Variants in TMEM117 observed in about 807,000 individuals in gnomAD.
The protein encoded by TMEM117 is transmembrane protein 117.
Under a neutral mutation model 52.4 loss-of-function variants are expected in TMEM117, and 27 were observed. That is an observed-to-expected ratio of 0.51 (90% confidence interval 0.38 to 0.71). The LOEUF (loss-of-function observed/expected upper bound fraction) is 0.71. Among genes scored for constraint, TMEM117 ranks in the 30% least tolerant of loss-of-function variants. The pLI, the probability that TMEM117 is intolerant of heterozygous loss-of-function variation, is 0.00. For synonymous variants in TMEM117, 215 were observed against 206.3 expected (o/e 1.04, Z -0.36); for missense variants, 556 against 630.5 (o/e 0.88, Z 1.26).
At chr12:44,000,254 C>T (rs1037031628) in intron 3 of TMEM117, among the ~76,000 whole-genome samples, 13 of 152,138 alleles carry the variant, frequency 8.5e-5, no homozygotes, top group Admixed American at 7.9e-4. Flanking sequence ...GAGAGAACCT[C>T]CCTCGAGGTT....
At chr12:43,836,598 A>G (rs1943034887) in intron 1 of TMEM117, among the ~76,000 whole-genome samples, 2 of 152,060 alleles carry the variant, frequency 1.3e-5, no homozygotes, top group Non-Finnish European at 2.9e-5. Context: ...TAAAAGCCCT[A>G]TTTTTCTTAA....
At chr12:43,950,130 T>C (rs1945196151) in intron 3 of TMEM117, among the ~76,000 whole-genome samples, 1 of 152,176 alleles carries the variant, frequency 6.6e-6, no homozygotes, top group South Asian at 2.1e-4. Context: ...TTTGCTGCTT[T>C]CTCAGAATAT....
At chr12:44,039,581 G>C (rs1213827518) in intron 3 of TMEM117, among the ~76,000 whole-genome samples, 1 of 151,862 alleles carries the variant, frequency 6.6e-6, no homozygotes, top group Non-Finnish European at 1.5e-5. Context: ...TAAAGTTACA[G>C]ATTTTATGAA....
intron 2 of TMEM117, among the ~76,000 whole-genome samples, chr12:43,903,155 C>T (rs1036121649): frequency 6.6e-6 from 1 of 152,130 alleles, no homozygotes; most frequent in Non-Finnish European, 1.5e-5. Flanking sequence ...TTGATATATA[C>T]TTTTCAGAAG....
intron 3 of TMEM117, among the ~76,000 whole-genome samples, chr12:44,021,980 A>C (rs1249605525): frequency 6.6e-6 from 1 of 152,208 alleles, no homozygotes; most frequent in Admixed American, 6.5e-5. Context: ...TGTGTAATAT[A>C]TATCTATGAG....
At chr12:44,392,814 C>T (rs1037930269), downstream of TMEM117, among the ~76,000 whole-genome samples, 1 of 151,872 alleles carries the variant, frequency 6.6e-6, no homozygotes, top group Non-Finnish European at 1.5e-5. Context: ...AAGTCTACCC[C>T]AGGGAGCATG....
chr12:44,371,668 G>C (rs535164278), intron 6 of TMEM117, among the ~76,000 whole-genome samples: 2 of 152,086 alleles, frequency 1.3e-5, no homozygotes, highest in Non-Finnish European at 2.9e-5. Context: ...AAACAGTGTT[G>C]GTTTCAAGTT....
chr12:44,050,412 C>T (rs1168415263), intron 3 of TMEM117, among the ~76,000 whole-genome samples: 1 of 152,004 alleles, frequency 6.6e-6, no homozygotes, highest in African/African-American at 2.4e-5. Context: ...CCTGACCTCA[C>T]GTGATCCGCC....
intron 6 of TMEM117, among the ~76,000 whole-genome samples, chr12:44,341,931 A>G (rs1474108353): frequency 6.6e-6 from 1 of 152,142 alleles, no homozygotes; most frequent in Non-Finnish European, 1.5e-5. Flanking sequence ...GAGTTCTCTC[A>G]TCATGAAAAC....
rs74688754 is a variant in TMEM117 at position 44,294,427 on chromosome 12, A to C, written c.609-5153A>C. On this transcript the variant is annotated intron_variant, in intron 5 of 7. Transcript: ENST00000266534. ...CCTTTTCCATCTTTGCTTATCACAC[A>C]TTGTGACCATAACTTCTGCAGTCTG... Among the ~76,000 whole-genome samples, 948 of 152,290 alleles carry C rather than the reference A, an allele frequency of 6.2e-3. 35 individuals carry two copies. In the East Asian group the frequency reaches 0.089, roughly 14 times the overall value.
At chr12:43,897,892 C>T (rs1334703825) in intron 2 of TMEM117, among the ~76,000 whole-genome samples, 1 of 152,192 alleles carries the variant, frequency 6.6e-6, no homozygotes, top group Non-Finnish European at 1.5e-5. Flanking sequence ...GGATTACAGG[C>T]ATGAGCCATT....
chr12:44,257,638 C>A (rs1488448411), intron 5 of TMEM117, among the ~76,000 whole-genome samples: 1 of 152,108 alleles, frequency 6.6e-6, no homozygotes, highest in Non-Finnish European at 1.5e-5. Flanking sequence ...CATTGTAAAT[C>A]ACTACCTTTG....
chr12:44,236,891 T>A (rs1950003610), intron 5 of TMEM117, among the ~76,000 whole-genome samples: 1 of 152,080 alleles, frequency 6.6e-6, no homozygotes, highest in Admixed American at 6.6e-5. Context: ...AGTTCACCTG[T>A]CATAAGGATG....
chr12:43,813,353 C>T, the TMEM117 span, among the ~76,000 whole-genome samples: 1 of 148,502 alleles, frequency 6.7e-6, no homozygotes, highest in South Asian at 2.2e-4. Context: ...AAGCGATTCT[C>T]CTGCCTCAGC....
At chr12:44,000,503 G>A in intron 3 of TMEM117, among the ~76,000 whole-genome samples, 1 of 152,122 alleles carries the variant, frequency 6.6e-6, no homozygotes, top group East Asian at 1.9e-4. Context: ...AGGGGCTGAG[G>A]AGCTGCAGGC....
chr12:43,823,646 T>C, the TMEM117 span, among the ~76,000 whole-genome samples: 1 of 152,106 alleles, frequency 6.6e-6, no homozygotes, highest in Non-Finnish European at 1.5e-5. Context: ...CCCAAGTAGC[T>C]GGGACTACAG....
At chr12:43,900,437 C>T (rs1394137155) in intron 2 of TMEM117, among the ~76,000 whole-genome samples, 1 of 152,010 alleles carries the variant, frequency 6.6e-6, no homozygotes, top group Non-Finnish European at 1.5e-5. Flanking sequence ...CTTACATTCT[C>T]GGCTGGGCAC....
intron 4 of TMEM117, among the ~76,000 whole-genome samples, chr12:44,204,298 A>C (rs184004239): frequency 1.9e-4 from 29 of 152,290 alleles, no homozygotes; most frequent in African/African-American, 7.0e-4. Flanking sequence ...CCAAATTGAG[A>C]ACACAATCTC....
In TMEM117 at chr12:44,028,117, T is replaced by C. The variant is rs535044165; in HGVS notation, c.410+83775T>C. Among the ~76,000 whole-genome samples, 460 of 152,220 alleles carry C rather than the reference T, an allele frequency of 3.0e-3. 3 individuals are homozygous for C. The highest frequency in any genetic ancestry group is 0.011 in the African/African-American group (447 of 41,534). Reference sequence around the variant, plus strand: ...CTGAGGCAGAAGAATGGTGTGAATCTGGGAGGTGGAGTGTGCAGTGAGCCG... The same window carrying C: ...CTGAGGCAGAAGAATGGTGTGAATCCGGGAGGTGGAGTGTGCAGTGAGCCG... On this transcript the variant is annotated intron_variant, in intron 3 of 7. Coordinates refer to ENST00000266534, the MANE Select transcript of TMEM117 (RefSeq NM_032256.3).
Sources: gnomAD v4.1 joint callset for allele counts (sites outside exome capture counted in the v4.1 genomes callset) on GRCh38, gnomAD v4.1.1 for gene constraint, MANE v1.5 for transcripts, NCBI Gene and HGNC (gene_info 2026-07-23, HGNC 2026-07-21) for gene names.